Variants in DPF3 observed in about 807,000 individuals in gnomAD.
DPF3 encodes zinc finger protein DPF3.
In DPF3, 18 loss-of-function variants were observed where a neutral mutation model predicts 56.8. That is an observed-to-expected ratio of 0.32 (90% CI 0.22 to 0.47). DPF3 has a LOEUF of 0.47. DPF3 is among the 20% of genes least tolerant of loss of function. The pLI, the probability that DPF3 is intolerant of heterozygous loss-of-function variation, is 1.00. For synonymous variants in DPF3, 188 were observed against 180.2 expected, an observed-to-expected ratio of 1.04 and a Z score of -0.35; for missense variants, 403 against 488.8, an observed-to-expected ratio of 0.82 and a Z score of 1.65.
At chr14:72,880,395 A>C (rs1158398224) in intron 1 of DPF3, among the ~76,000 whole-genome samples, 1 of 152,206 alleles carries the variant, frequency 6.6e-6, no homozygotes, top group Non-Finnish European at 1.5e-5. Flanking sequence ...AGTAACCCTG[A>C]AGACACATCA....
chr14:72,748,563 C>A lies in DPF3; in HGVS notation c.301+4701G>T, dbSNP rs542708143. On this transcript the variant is annotated intron_variant, in intron 3 of 10. Coordinates refer to ENST00000556509, the MANE Select transcript of DPF3 (RefSeq NM_001280542.3). ...AGGAGCCCAATATTAATCCCCAAGA[C>A]AAAGGGGAAAATGTCTCCAGGGCAT... Among the ~76,000 whole-genome samples the A allele has an allele frequency of 2.0e-5, 3 of 152,264 alleles. No homozygotes were observed. In the South Asian group the frequency reaches 6.2e-4, roughly 32 times the overall value.
At chr14:72,776,507 G>A (rs558652869) in intron 1 of DPF3, among the ~76,000 whole-genome samples, 2 of 152,232 alleles carry the variant, frequency 1.3e-5, no homozygotes, top group African/African-American at 4.8e-5. Context: ...CTGTGGAGAT[G>A]GACTCCAGGG....
At chr14:72,813,541 T>C (rs909522144) in intron 1 of DPF3, among the ~76,000 whole-genome samples, 4 of 152,136 alleles carry the variant, frequency 2.6e-5, no homozygotes, top group Non-Finnish European at 5.9e-5. Flanking sequence ...AAATATCTCA[T>C]CCTGGCCTCC....
intron 1 of DPF3, among the ~76,000 whole-genome samples, chr14:72,777,641 G>A (rs1390173730): frequency 6.6e-6 from 1 of 152,148 alleles, no homozygotes; most frequent in Non-Finnish European, 1.5e-5. Context: ...TAGATCATGT[G>A]GGCACATCCC....
At chr14:72,753,412 G>A (rs1890661247) in intron 2 of DPF3, 41 bp from the exon 3 acceptor site, 1 of 1,524,064 alleles carries the variant, frequency 6.6e-7, no homozygotes, top group Non-Finnish European at 8.8e-7. Flanking sequence ...GCTCCAGGCT[G>A]GAAGGGGCCT....
At chr14:72,715,587 G>A (rs1474519235) in intron 5 of DPF3, among the ~76,000 whole-genome samples, 1 of 151,934 alleles carries the variant, frequency 6.6e-6, no homozygotes, top group East Asian at 1.9e-4. Context: ...TGGCCATGGG[G>A]ACTTGATGGT....
At chr14:72,746,261 T>C (rs55717333) in intron 3 of DPF3, among the ~76,000 whole-genome samples, 5,926 of 152,298 alleles carry the variant, frequency 0.039, 324 homozygotes, top group African/African-American at 0.12. Context: ...GGCTGCGCTG[T>C]TTCTCATTCT....
At chr14:72,856,335 A>T (rs1006940293) in intron 1 of DPF3, among the ~76,000 whole-genome samples, 3 of 152,136 alleles carry the variant, frequency 2.0e-5, no homozygotes, top group African/African-American at 7.2e-5. Flanking sequence ...CTGATCATCC[A>T]TCTTGCAGCC....
chr14:72,657,860 C>T (rs1362950861), intron 8 of DPF3, among the ~76,000 whole-genome samples: 2 of 152,178 alleles, frequency 1.3e-5, no homozygotes, highest in African/African-American at 4.8e-5. Context: ...TAAATATTTA[C>T]TATCTGGTGT....
At chr14:72,892,597 G>T in intron 1 of DPF3, 1 of 1,242,174 alleles carries the variant, frequency 8.1e-7, no homozygotes. Flanking sequence ...TACCGTCCCC[G>T]GGAGCGAACC....
intron 8 of DPF3, among the ~76,000 whole-genome samples, chr14:72,644,764 T>C (rs1424114303): frequency 6.6e-6 from 1 of 152,206 alleles, no homozygotes; most frequent in Non-Finnish European, 1.5e-5. Context: ...CTCCATTCCA[T>C]AATCAGAGAA....
intron 8 of DPF3, chr14:72,671,471 C>A (rs368592901): frequency 4.8e-6 from 6 of 1,253,080 alleles, no homozygotes; most frequent in Non-Finnish European, 7.0e-6. Flanking sequence ...GGGATTAACC[C>A]GGTGCATCAC....
At chr14:72,734,912 T>G (rs1398872622) in intron 3 of DPF3, among the ~76,000 whole-genome samples, 1 of 152,204 alleles carries the variant, frequency 6.6e-6, no homozygotes, top group Admixed American at 6.5e-5. Context: ...CAGCAAACAT[T>G]CAAAACTTAG....
intron 1 of DPF3, among the ~76,000 whole-genome samples, chr14:72,830,686 T>G (rs2140051335): frequency 6.6e-6 from 1 of 152,354 alleles, no homozygotes; most frequent in Middle Eastern, 3.4e-3. Context: ...TTCTATAACA[T>G]ATGTGGTATC....
rs1484068513 is a variant in DPF3, at chr14:72,739,561, G to C, written c.302-7627C>G. On this transcript the variant is annotated intron_variant, in intron 3 of 10. Coordinates refer to ENST00000556509, the MANE Select transcript of DPF3 (RefSeq NM_001280542.3). Reference sequence around the variant, plus strand: ...CTGACACTCTAAGACCACCAGATGTGGTGAGTGAGGCACAGCTAACCCCAC... The same window carrying C: ...CTGACACTCTAAGACCACCAGATGTCGTGAGTGAGGCACAGCTAACCCCAC... 2.0e-5 allele frequency among the ~76,000 whole-genome samples: 3 copies of C among 152,198 alleles called. No individual in the cohort carries two copies. The East Asian group carries it at 5.8e-4, about 29-fold the overall frequency.
intron 1 of DPF3, among the ~76,000 whole-genome samples, chr14:72,889,474 C>G (rs1276984197): frequency 2.0e-5 from 3 of 152,100 alleles, no homozygotes; most frequent in Admixed American, 2.0e-4. Flanking sequence ...AAAACAATGT[C>G]CATAAAAGGC....
At chr14:72,784,064 T>C (rs1892106892) in intron 1 of DPF3, among the ~76,000 whole-genome samples, 2 of 152,126 alleles carry the variant, frequency 1.3e-5, no homozygotes. Context: ...CAGAAGCAAA[T>C]GTCCTGCACA....
At chr14:72,811,432 G>A (rs1300530797) in intron 1 of DPF3, among the ~76,000 whole-genome samples, 4 of 152,196 alleles carry the variant, frequency 2.6e-5, no homozygotes, top group Non-Finnish European at 2.9e-5. Context: ...GCCTGGAACA[G>A]ATTCTTCCTC....
At chr14:72,784,471 A>C (rs1892125160) in intron 1 of DPF3, among the ~76,000 whole-genome samples, 1 of 152,196 alleles carries the variant, frequency 6.6e-6, no homozygotes, top group African/African-American at 2.4e-5. Context: ...CATCCCAAAA[A>C]ATACTGGGGA....
Sources: allele counts gnomAD v4.1 joint callset (sites outside exome capture counted in the v4.1 genomes callset), GRCh38; gene constraint gnomAD v4.1.1; transcripts MANE v1.5; gene names NCBI Gene and HGNC (gene_info 2026-07-23, HGNC 2026-07-21).